Variants in FAM227B observed in about 807,000 individuals in gnomAD.
FAM227B encodes family with sequence similarity 227 member B.
Under a neutral mutation model 73.8 loss-of-function variants are expected in FAM227B, and 88 were observed. The ratio of observed to expected loss-of-function variants is 1.19; its 90% CI spans 1.00 to 1.42. FAM227B has a LOEUF of 1.42. FAM227B is among the 40% of genes most tolerant of loss of function. The pLI, the probability that FAM227B is intolerant of heterozygous loss-of-function variation, is 0.00. For synonymous variants in FAM227B, 210 were observed against 190.5 expected, an observed-to-expected ratio of 1.10 and a Z score of -0.84; for missense variants, 632 against 590.9, an observed-to-expected ratio of 1.07 and a Z score of -0.72.
intron 5 of FAM227B, among the ~76,000 whole-genome samples, chr15:49,582,464 C>T (rs955508240): frequency 6.6e-6 from 1 of 152,150 alleles, no homozygotes; most frequent in Non-Finnish European, 1.5e-5. Context: ...CACAGGAGAA[C>T]CCAGATTCAT....
At chr15:49,388,832 G>C (rs987959870) in intron 11 of FAM227B, among the ~76,000 whole-genome samples, 2 of 151,910 alleles carry the variant, frequency 1.3e-5, no homozygotes, top group Non-Finnish European at 2.9e-5. Context: ...CAAAGGACAT[G>C]AATAGACATT....
chr15:49,340,904 A>T (rs1209219784), intron 13 of FAM227B, among the ~76,000 whole-genome samples: 1 of 152,188 alleles, frequency 6.6e-6, no homozygotes, highest in Admixed American at 6.5e-5. Context: ...AAAGTCTTAC[A>T]TTTAAATATT....
chr15:49,518,798 C>A (rs1317018358), intron 10 of FAM227B, among the ~76,000 whole-genome samples: 3 of 152,140 alleles, frequency 2.0e-5, no homozygotes, highest in African/African-American at 7.2e-5. Context: ...TCATTCCATG[C>A]CTGGCCCCTC....
At chr15:49,600,069 T>C (rs2077096133) in intron 3 of FAM227B, among the ~76,000 whole-genome samples, 1 of 152,192 alleles carries the variant, frequency 6.6e-6, no homozygotes, top group Non-Finnish European at 1.5e-5. Flanking sequence ...TAATATTTGC[T>C]TCATATATTT....
chr15:49,522,626 G>C (rs2059868988), intron 10 of FAM227B, among the ~76,000 whole-genome samples: 1 of 151,934 alleles, frequency 6.6e-6, no homozygotes, highest in African/African-American at 2.4e-5. Flanking sequence ...CTCTCTGAAA[G>C]AATTTCAAAA....
At position 49,399,142 on chromosome 15, in the gene FAM227B, C is replaced by T. The variant is rs1187265650; in HGVS notation, c.1013-27743G>A. Among the ~76,000 whole-genome samples, 1,182 of 147,634 alleles carry T rather than the reference C, an allele frequency of 8.0e-3. 20 individuals carry two copies. The highest frequency in any genetic ancestry group is 0.028 in the African/African-American group (1,130 of 39,894). The stretch of plus-strand genomic sequence containing the variant: ...AAAAAAGAGAGAAGAATCAAGTAGA[C>T]GCAATAAAAAATGATAAAGGGGATA... On this transcript the variant is annotated intron_variant, in intron 11 of 15. Coordinates refer to ENST00000299338, the MANE Select transcript of FAM227B (RefSeq NM_152647.3).
At chr15:49,521,147 G>A (rs1490715819) in intron 10 of FAM227B, among the ~76,000 whole-genome samples, 1 of 152,146 alleles carries the variant, frequency 6.6e-6, no homozygotes, top group Non-Finnish European at 1.5e-5. Context: ...ATGGGACACT[G>A]TCTCATCCAG....
chr15:49,489,855 A>AT (rs2056851820), intron 11 of FAM227B, among the ~76,000 whole-genome samples: 6 of 14,934 alleles, frequency 4.0e-4, no homozygotes, highest in Non-Finnish European at 9.2e-4. Context: ...ATATATATAT[A>AT]TATTTTATAT....
intron 11 of FAM227B, among the ~76,000 whole-genome samples, chr15:49,451,835 T>C (rs2052774925): frequency 6.6e-6 from 1 of 152,124 alleles, no homozygotes; most frequent in African/African-American, 2.4e-5. Context: ...ATCTTTTACC[T>C]AGGAGGAAAA....
chr15:49,589,405 G>C (rs925531868), intron 4 of FAM227B, among the ~76,000 whole-genome samples: 1 of 152,036 alleles, frequency 6.6e-6, no homozygotes, highest in Non-Finnish European at 1.5e-5. Flanking sequence ...TTAAGGCTTT[G>C]TTTTAGTAAT....
intron 5 of FAM227B, among the ~76,000 whole-genome samples, chr15:49,586,752 T>C (rs528773633): frequency 1.3e-5 from 2 of 152,012 alleles, no homozygotes; most frequent in African/African-American, 4.8e-5. Context: ...AGAAAACATA[T>C]ATGCAGCCAA....
intron 10 of FAM227B, among the ~76,000 whole-genome samples, chr15:49,513,962 T>C (rs2059202342): frequency 6.6e-6 from 1 of 152,126 alleles, no homozygotes; most frequent in Admixed American, 6.6e-5. Context: ...TATATGTCTG[T>C]TTTGGTACCA....
chr15:49,390,404 A>C (rs1004969259), intron 11 of FAM227B, among the ~76,000 whole-genome samples: 1 of 151,686 alleles, frequency 6.6e-6, no homozygotes, highest in African/African-American at 2.4e-5. Context: ...TGATATAGGG[A>C]TCCACAAGAA....
chr15:49,614,332 A>G (rs2078148711), intron 2 of FAM227B, among the ~76,000 whole-genome samples: 1 of 152,340 alleles, frequency 6.6e-6, no homozygotes, highest in East Asian at 1.9e-4. Flanking sequence ...AAAAAAAATC[A>G]TATTTTTCTA....
At chr15:49,549,300 C>CT (rs1402328937) in intron 9 of FAM227B, among the ~76,000 whole-genome samples, 2 of 122,578 alleles carry the variant, frequency 1.6e-5, no homozygotes, top group Non-Finnish European at 1.7e-5. Flanking sequence ...AAATTTTCTT[C>CT]TCTTATTGAT....
intron 11 of FAM227B, among the ~76,000 whole-genome samples, chr15:49,473,257 TG>T (rs2054943559): frequency 1.2e-5 from 1 of 86,320 alleles, no homozygotes; most frequent in African/African-American, 3.0e-5. Context: ...AATGAAGTCA[TG>T]ATGATGTTCA....
chr15:49,468,869 C>G lies in FAM227B; in HGVS notation c.1012+39342G>C, dbSNP rs139301529. Among the ~76,000 whole-genome samples, 102 of 152,246 alleles carry G rather than the reference C, an allele frequency of 6.7e-4. 1 individual carries two copies. The highest frequency in any genetic ancestry group is 1.2e-3 in the Non-Finnish European group (80 of 68,012). ...CAGTCACTCTGCTTAACTGATGGAA[C>G]AAGTTTATTTCAACTTCAGTGCTCA... On this transcript the variant is annotated intron_variant, in intron 11 of 15. Coordinates refer to ENST00000299338, the MANE Select transcript of FAM227B (RefSeq NM_152647.3).
chr15:49,505,520 G>C (rs2058514363), intron 11 of FAM227B, among the ~76,000 whole-genome samples: 1 of 151,864 alleles, frequency 6.6e-6, no homozygotes, highest in African/African-American at 2.4e-5. Flanking sequence ...AAGACACGGG[G>C]GTGTATATGT....
chr15:49,606,095 CTTTT>C (rs2077502574), intron 3 of FAM227B: 1 of 152,234 alleles, frequency 6.6e-6, no homozygotes, highest in Non-Finnish European at 1.5e-5. Flanking sequence ...TTCAAGGTAT[CTTTT>C]CTTATTTCTG....
Sources: gnomAD v4.1 joint callset for allele counts (sites outside exome capture counted in the v4.1 genomes callset) on GRCh38, gnomAD v4.1.1 for gene constraint, MANE v1.5 for transcripts, NCBI Gene and HGNC (gene_info 2026-07-23, HGNC 2026-07-21) for gene names.